ENPP6: variants seen among roughly 807,000 people sequenced by gnomAD.
ENPP6 encodes ectonucleotide pyrophosphatase/phosphodiesterase 6.
ENPP6 carries 32 observed loss-of-function variants against 42.0 expected under a neutral mutation model. The ratio of observed to expected loss-of-function variants is 0.76; its 90% confidence interval spans 0.58 to 1.02. The LOEUF is 1.02. Ranked by LOEUF, ENPP6 falls within the 50% of genes least tolerant of loss-of-function variation. The pLI is 0.00. For synonymous variants in ENPP6, 213 were observed against 216.0 expected (o/e 0.99, Z 0.12); for missense variants, 552 against 566.8 (o/e 0.97, Z 0.27).
intron 7 of ENPP6, among the ~76,000 whole-genome samples, chr4:184,091,646 C>G (rs909572473): frequency 6.6e-6 from 1 of 152,050 alleles, no homozygotes; most frequent in African/African-American, 2.4e-5. Flanking sequence ...GGGGCTCACA[C>G]CTGTAGTCTC....
intron 1 of ENPP6, among the ~76,000 whole-genome samples, chr4:184,177,341 G>T (rs1191042073): frequency 6.6e-6 from 1 of 152,202 alleles, no homozygotes; most frequent in Non-Finnish European, 1.5e-5. Context: ...CCAGGCAGGG[G>T]TTTAGGGATA....
At chr4:184,200,716 G>T (rs1732881150) in intron 1 of ENPP6, among the ~76,000 whole-genome samples, 1 of 152,204 alleles carries the variant, frequency 6.6e-6, no homozygotes, top group Non-Finnish European at 1.5e-5. Flanking sequence ...CCTGCCCTGT[G>T]CAGATAATCG....
intron 1 of ENPP6, among the ~76,000 whole-genome samples, chr4:184,183,251 A>G (rs553212244): frequency 6.6e-6 from 1 of 152,352 alleles, no homozygotes; most frequent in Non-Finnish European, 1.5e-5. Flanking sequence ...ATAATCAGAT[A>G]TCTGATTCTA....
intron 6 of ENPP6, among the ~76,000 whole-genome samples, chr4:184,112,346 C>A (rs1356376291): frequency 6.6e-6 from 1 of 152,208 alleles, no homozygotes; most frequent in Non-Finnish European, 1.5e-5. Flanking sequence ...TGCCCTTGAG[C>A]AATTGCTTTG....
chr4:184,103,670 G>C (rs1382522570), intron 6 of ENPP6, among the ~76,000 whole-genome samples: 2 of 152,256 alleles, frequency 1.3e-5, no homozygotes, highest in Non-Finnish European at 2.9e-5. Flanking sequence ...TTGTGGCATT[G>C]CTATTTTAAA....
chr4:184,181,141 T>C (rs956847176), intron 1 of ENPP6, among the ~76,000 whole-genome samples: 2 of 152,242 alleles, frequency 1.3e-5, no homozygotes, highest in Non-Finnish European at 2.9e-5. Context: ...CTTCTGAAGC[T>C]GTTAAGCAAC....
rs148490375 is a variant in ENPP6, at chr4:184,171,855, G to A, written c.242-18122C>T. The stretch of plus-strand genomic sequence containing the variant: ...GCTGAGATAGAGCAGAGAAGAAGAC[G>A]GACAGAATCCCTGTCCTCAGGAATC... On this transcript the variant is annotated intron_variant, in intron 1 of 7. Transcript: ENST00000296741. Among the ~76,000 whole-genome samples, 407 of 152,142 alleles carry A rather than the reference G, an allele frequency of 2.7e-3. 3 individuals are homozygous for A. Among genetic ancestry groups the A allele is most frequent in the African/African-American group, 8.5e-3 (353 of 41,516 alleles).
intron 1 of ENPP6, among the ~76,000 whole-genome samples, chr4:184,200,656 C>T (rs1732879377): frequency 6.6e-6 from 1 of 152,226 alleles, no homozygotes; most frequent in African/African-American, 2.4e-5. Flanking sequence ...TCAGGAGAAG[C>T]CGGCTCCTCT....
chr4:184,180,613 A>G (rs567049549), intron 1 of ENPP6, among the ~76,000 whole-genome samples: 20 of 152,338 alleles, frequency 1.3e-4, no homozygotes, highest in Admixed American at 7.2e-4. Flanking sequence ...TATCCTCAAT[A>G]AAATACTGGC....
intron 6 of ENPP6, among the ~76,000 whole-genome samples, chr4:184,109,910 T>C (rs1349970056): frequency 6.6e-6 from 1 of 152,154 alleles, no homozygotes; most frequent in Admixed American, 6.5e-5. Context: ...GAACATAACA[T>C]GGTCAACGCT....
intron 7 of ENPP6, among the ~76,000 whole-genome samples, chr4:184,096,934 T>C (rs1735920618): frequency 6.6e-6 from 1 of 152,232 alleles, no homozygotes; most frequent in East Asian, 1.9e-4. Context: ...GGACATCAGA[T>C]AGCTATGAAA....
At chr4:184,103,215 T>A (rs1038918372) in intron 6 of ENPP6, among the ~76,000 whole-genome samples, 6 of 152,230 alleles carry the variant, frequency 3.9e-5, no homozygotes, top group Non-Finnish European at 8.8e-5. Context: ...GCCCATGGGA[T>A]GCTGGTTGTT....
chr4:184,100,000 G>A (rs1040936167), intron 6 of ENPP6, among the ~76,000 whole-genome samples: 2 of 152,330 alleles, frequency 1.3e-5, no homozygotes, highest in East Asian at 3.9e-4. Flanking sequence ...GAAGACTGAT[G>A]GCCTGATTTA....
chr4:184,165,583 C>A (rs552575762), intron 1 of ENPP6, among the ~76,000 whole-genome samples: 12 of 152,372 alleles, frequency 7.9e-5, no homozygotes, highest in African/African-American at 2.4e-4. Flanking sequence ...GAATGCCAGA[C>A]ATTCTCTTAT....
intron 6 of ENPP6, among the ~76,000 whole-genome samples, chr4:184,106,331 G>T (rs1165023815): frequency 6.6e-6 from 1 of 151,928 alleles, no homozygotes; most frequent in South Asian, 2.1e-4. Flanking sequence ...CACCATGTCC[G>T]GCCACAAAAA....
chr4:184,200,288 G>T (rs1351041064), intron 1 of ENPP6, among the ~76,000 whole-genome samples: 4 of 152,188 alleles, frequency 2.6e-5, no homozygotes, highest in Non-Finnish European at 5.9e-5. Context: ...AGGACGTCCG[G>T]ACCCACTCGG....
chr4:184,153,929 T>C (rs562038501), intron 1 of ENPP6, among the ~76,000 whole-genome samples, 196 bp from the exon 2 acceptor site: 1 of 152,262 alleles, frequency 6.6e-6, no homozygotes, highest in African/African-American at 2.4e-5. Flanking sequence ...CAGTTAGATG[T>C]CCACTAATTG....
chr4:184,095,093 T>C (rs1351159541), intron 7 of ENPP6, among the ~76,000 whole-genome samples: 3 of 152,244 alleles, frequency 2.0e-5, no homozygotes, highest in Non-Finnish European at 4.4e-5. Context: ...TAATCTTTCA[T>C]GAGAACTGGA....
Position 184,117,887 on chromosome 4 carries a change from C to T in ENPP6, c.547G>A (p.Asp183Asn), listed in dbSNP as rs369757915. ...ALDSFKSGRADLAAIYHERID... is the reference protein window; with the variant it reads ...ALDSFKSGRANLAAIYHERID... The stretch of plus-strand genomic sequence containing the variant: ...CGCTCATGGTATATGGCTGCCAGGT[C>T]GGCCCGGCCACTCCTGGAGGGACAG... Residue 183 changes from aspartate (D) to asparagine (N), a missense_variant, in exon 4 of 8, where the codon GAC becomes AAC. Asp to Asn is a conservative substitution (Grantham distance 23). Coordinates refer to ENST00000296741, the MANE Select transcript of ENPP6 (RefSeq NM_153343.4). The T allele has an allele frequency of 6.3e-5, 101 of 1,614,072 alleles. No homozygotes were observed. Among genetic ancestry groups the T allele is most frequent in the Admixed American group, 2.8e-4 (17 of 60,028 alleles).
Sources: gnomAD v4.1 joint callset for allele counts (sites outside exome capture counted in the v4.1 genomes callset) on GRCh38, gnomAD v4.1.1 for gene constraint, MANE v1.5 for transcripts, NCBI Gene and HGNC (gene_info 2026-07-23, HGNC 2026-07-21) for gene names.